The following NCAPG2 variants were observed in gnomAD, a reference collection of about 807,000 sequenced individuals.
The protein encoded by NCAPG2 is non-SMC condensin II complex subunit G2, also known as condensin-2 complex subunit G2.
NCAPG2 carries 53 observed loss-of-function variants against 141.1 expected under a neutral mutation model. The observed-to-expected ratio is 0.38, with a 90% CI of 0.30 to 0.47. The LOEUF is 0.47. Among genes scored for constraint, NCAPG2 ranks in the 20% least tolerant of loss-of-function variants. NCAPG2 has a pLI of 0.99. For synonymous variants in NCAPG2, 499 were observed against 490.7 expected (o/e 1.02, Z -0.22); for missense variants, 1,087 against 1,389.0 (o/e 0.78, Z 3.46).
chr7:158,669,251 A>C (rs979065690), intron 13 of NCAPG2, among the ~76,000 whole-genome samples: 18 of 152,200 alleles, frequency 1.2e-4, no homozygotes, highest in Admixed American at 1.2e-3. Context: ...ATATCTTTAT[A>C]ATAAAATGAT....
intron 11 of NCAPG2, among the ~76,000 whole-genome samples, chr7:158,677,524 G>GAAAAAAA (rs1491491903): frequency 2.0e-4 from 1 of 5,078 alleles, no homozygotes; most frequent in African/African-American, 8.5e-4. Flanking sequence ...TAAAAATAAA[G>GAAAAAAA]CAAAAAAAAA....
At chr7:158,693,078 G>T in intron 3 of NCAPG2, 122 bp from the exon 4 acceptor site, 1 of 827,704 alleles carries the variant, frequency 1.2e-6, no homozygotes, top group Non-Finnish European at 1.9e-6. Flanking sequence ...ATTCTAAAAA[G>T]AATTAAAGTT....
At chr7:158,687,230 T>C (rs1469003604) in intron 7 of NCAPG2, 118 bp downstream of exon 7, 3 of 610,348 alleles carry the variant, frequency 4.9e-6, no homozygotes, top group South Asian at 2.7e-5. Context: ...TGGTACATAA[T>C]AAATAACGTA....
intron 14 of NCAPG2, 115 bp from the exon 15 acceptor site, chr7:158,664,411 T>C (rs1211342878): frequency 4.0e-5 from 60 of 1,486,738 alleles, no homozygotes; most frequent in Non-Finnish European, 4.0e-5. Context: ...AGGGAAATCA[T>C]TCAGAAATGC....
In NCAPG2 at chr7:158,692,973, A is replaced by G; in HGVS notation, c.268-17T>C. 7.0e-7 allele frequency: 1 copy of G among 1,427,178 alleles called. No individual in the cohort carries two copies. The highest frequency in any genetic ancestry group is 9.7e-7 in the Non-Finnish European group (1 of 1,032,034). 88.4% of individuals were successfully genotyped at this position (1,427,178 alleles called of 1,614,324 possible). A position where few individuals can be genotyped will look rare whatever the true frequency, so the allele number is the denominator to read the frequency against. On this transcript the variant is annotated splice_polypyrimidine_tract_variant and intron_variant, in intron 3 of 27. Transcript: ENST00000356309. ...GCTTTTTCTCTATAAATGAAAAATCAAAGCATGAGTGAATTAAAATCATCA... is the reference window on the plus strand; with the variant it reads ...GCTTTTTCTCTATAAATGAAAAATCGAAGCATGAGTGAATTAAAATCATCA...
intron 27 of NCAPG2, chr7:158,641,384 A>G: frequency 2.1e-6 from 1 of 470,642 alleles, no homozygotes. Context: ...TATACTGTCT[A>G]TAAAAAAACC....
chr7:158,631,524 C>A lies in NCAPG2; in HGVS notation c.*142G>T. The A allele has an allele frequency of 1.2e-6, 1 of 812,490 alleles. No individual in the cohort carries two copies. Among genetic ancestry groups the A allele is most frequent in the Non-Finnish European group, 2.1e-6 (1 of 480,686 alleles). 50.3% of individuals were successfully genotyped at this position (812,490 alleles called of 1,614,324 possible). ...TTTGAGTTATCTCCTCCATAACCCC[C>A]ACCTTCCCACATTCCCACAAAAAAA... On this transcript the variant is annotated 3_prime_UTR_variant, in exon 28 of 28. Coordinates refer to ENST00000356309, the MANE Select transcript of NCAPG2 (RefSeq NM_017760.7).
intron 2 of NCAPG2, among the ~76,000 whole-genome samples, chr7:158,695,060 C>T (rs1486907041): frequency 6.6e-6 from 1 of 152,082 alleles, no homozygotes; most frequent in Non-Finnish European, 1.5e-5. Flanking sequence ...AAGTTAATGG[C>T]CCGCTTAAGT....
chr7:158,661,781 A>C (rs1316454133), intron 16 of NCAPG2, among the ~76,000 whole-genome samples: 1 of 152,164 alleles, frequency 6.6e-6, no homozygotes, highest in Non-Finnish European at 1.5e-5. Flanking sequence ...AACACACACA[A>C]CTCAAATACT....
At chr7:158,686,977 G>C (rs1004967178) in intron 7 of NCAPG2, among the ~76,000 whole-genome samples, 1 of 152,162 alleles carries the variant, frequency 6.6e-6, no homozygotes, top group Non-Finnish European at 1.5e-5. Context: ...AACGTTCCCT[G>C]CTGCTCCTGC....
At chr7:158,680,858 AT>A (rs777189081) in intron 9 of NCAPG2, 42 bp from the exon 10 acceptor site, 4 of 1,385,550 alleles carry the variant, frequency 2.9e-6, no homozygotes, top group East Asian at 4.7e-5. Context: ...TAACAAAAAA[AT>A]AAATAAATAA....
At chr7:158,632,099 C>A (rs1255830027) in intron 27 of NCAPG2, among the ~76,000 whole-genome samples, 1 of 152,140 alleles carries the variant, frequency 6.6e-6, no homozygotes, top group Non-Finnish European at 1.5e-5. Context: ...AACTATGTGA[C>A]CTACCAAGAT....
chr7:158,655,482 C>T (rs759036696), intron 19 of NCAPG2, 27 bp from the exon 20 acceptor site: 5 of 1,576,754 alleles, frequency 3.2e-6, no homozygotes, highest in Middle Eastern at 1.7e-4. Context: ...CCAAGGGCCA[C>T]ATGCTGACTG....
chr7:158,669,701 G>A (rs10238239), intron 13 of NCAPG2, among the ~76,000 whole-genome samples: 1,997 of 145,066 alleles, frequency 0.014, 47 homozygotes, highest in African/African-American at 0.048. Flanking sequence ...GCTGGGAGGC[G>A]GAGGTTGCAG....
At chr7:158,635,164 T>G (rs1312937700) in intron 27 of NCAPG2, among the ~76,000 whole-genome samples, 1 of 152,192 alleles carries the variant, frequency 6.6e-6, no homozygotes, top group Non-Finnish European at 1.5e-5. Context: ...GTTTTACACA[T>G]GAATACTTTT....
intron 11 of NCAPG2, among the ~76,000 whole-genome samples, chr7:158,678,588 T>C (rs997758876): frequency 3.3e-5 from 5 of 152,126 alleles, no homozygotes; most frequent in Admixed American, 6.5e-5. Context: ...CACTGTAGCC[T>C]TGACCTCCTG....
intron 13 of NCAPG2, among the ~76,000 whole-genome samples, chr7:158,666,388 C>G (rs746115170): frequency 1.2e-4 from 19 of 152,062 alleles, no homozygotes; most frequent in Non-Finnish European, 2.6e-4. Flanking sequence ...CTGTTGGCAA[C>G]CAACCTGTCT....
chr7:158,669,607 T>G (rs559438284), intron 13 of NCAPG2, among the ~76,000 whole-genome samples: 4 of 143,592 alleles, frequency 2.8e-5, no homozygotes, highest in Non-Finnish European at 6.1e-5. Flanking sequence ...TACTAAAATT[T>G]AAAAAAAAAA....
chr7:158,702,960 T>C (rs967845720), intron 1 of NCAPG2, among the ~76,000 whole-genome samples: 2 of 152,256 alleles, frequency 1.3e-5, no homozygotes, highest in African/African-American at 4.8e-5. Context: ...AAGATTATAA[T>C]GCCATATTTT....
Sources: allele counts gnomAD v4.1 joint callset (sites outside exome capture counted in the v4.1 genomes callset), GRCh38; gene constraint gnomAD v4.1.1; transcripts MANE v1.5; gene names NCBI Gene and HGNC (gene_info 2026-07-23, HGNC 2026-07-21).